Variants in NRXN1 observed in about 807,000 individuals in gnomAD.
NRXN1 encodes the protein neurexin 1, also known as neurexin-1.
A neutral mutation model predicts 150.9 loss-of-function variants in NRXN1; 39 were observed. The ratio of observed to expected loss-of-function variants is 0.26; its 90% confidence interval spans 0.20 to 0.34. NRXN1 has a LOEUF of 0.34. NRXN1 is among the 10% of genes least tolerant of loss of function. The pLI is 1.00. For missense variants in NRXN1, 1,815 were observed against 1,949.9 expected (o/e 0.93, Z 1.30); for synonymous variants, 924 against 757.0 (o/e 1.22, Z -3.62).
At chr2:50,849,720 A>C (rs532503599) in intron 5 of NRXN1, among the ~76,000 whole-genome samples, 30 of 152,262 alleles carry the variant, frequency 2.0e-4, no homozygotes, top group African/African-American at 7.0e-4. Flanking sequence ...TAAATTCAGT[A>C]GCTATTTCCT....
intron 2 of NRXN1, among the ~76,000 whole-genome samples, chr2:50,949,634 T>C (rs760820451): frequency 1.3e-5 from 2 of 151,986 alleles, no homozygotes; most frequent in Non-Finnish European, 2.9e-5. Flanking sequence ...TAATACATGG[T>C]GTGGTTTCAT....
In NRXN1 at chr2:50,623,631, T is replaced by C. The variant is rs762719278; in HGVS notation, c.833-16A>G. On this transcript the variant is annotated splice_polypyrimidine_tract_variant and intron_variant, in intron 5 of 22. Coordinates refer to ENST00000401669, the MANE Select transcript of NRXN1 (RefSeq NM_001330078.2). ...TCTTCTTTTCCTAGAGGAAAACAGA[T>C]GATACATACATAAGTAAACAAATAC... 1 of 1,582,154 alleles carries C rather than the reference T, an allele frequency of 6.3e-7. No individual in the cohort carries two copies. Among genetic ancestry groups the C allele is most frequent in the Non-Finnish European group, 8.7e-7 (1 of 1,154,580 alleles).
chr2:50,051,981 G>T (rs1402149120), intron 21 of NRXN1, among the ~76,000 whole-genome samples: 1 of 151,998 alleles, frequency 6.6e-6, no homozygotes, highest in Non-Finnish European at 1.5e-5. Flanking sequence ...CATTTAATTT[G>T]CATTTTTTGT....
chr2:50,049,075 T>C (rs895313288), intron 21 of NRXN1, among the ~76,000 whole-genome samples: 6 of 152,158 alleles, frequency 3.9e-5, no homozygotes, highest in African/African-American at 1.2e-4. Flanking sequence ...TAATATGTAT[T>C]ATTCTTATGA....
At chr2:50,969,074 G>A (rs1694585966) in intron 2 of NRXN1, among the ~76,000 whole-genome samples, 1 of 151,994 alleles carries the variant, frequency 6.6e-6, no homozygotes, top group African/African-American at 2.4e-5. Flanking sequence ...TTAGCAAATT[G>A]GCCAGTGAAG....
At chr2:50,557,064 A>T (rs1422375937) in intron 8 of NRXN1, among the ~76,000 whole-genome samples, 1 of 152,178 alleles carries the variant, frequency 6.6e-6, no homozygotes, top group Non-Finnish European at 1.5e-5. Flanking sequence ...ATCCATTAGT[A>T]AAGAGAGTGT....
chr2:51,014,015 C>T (rs987111866), intron 2 of NRXN1, among the ~76,000 whole-genome samples: 1 of 151,954 alleles, frequency 6.6e-6, no homozygotes, highest in Non-Finnish European at 1.5e-5. Flanking sequence ...ATTTTTTAAG[C>T]CACTAGATAA....
chr2:50,588,295 A>G (rs898867028), intron 8 of NRXN1, among the ~76,000 whole-genome samples: 7 of 152,218 alleles, frequency 4.6e-5, no homozygotes, highest in Non-Finnish European at 1.0e-4. Context: ...GAAAAATAGA[A>G]TCTGAGCCTT....
At chr2:50,843,815 T>C (rs1482410446) in intron 5 of NRXN1, among the ~76,000 whole-genome samples, 1 of 152,194 alleles carries the variant, frequency 6.6e-6, no homozygotes. Flanking sequence ...CAACAGTTTA[T>C]GCCCTAAAAC....
At chr2:50,646,923 C>T (rs1440504578) in intron 5 of NRXN1, among the ~76,000 whole-genome samples, 2 of 151,748 alleles carry the variant, frequency 1.3e-5, no homozygotes, top group Non-Finnish European at 2.9e-5. Flanking sequence ...GAAGGACAGA[C>T]TATGCCTGTG....
intron 5 of NRXN1, among the ~76,000 whole-genome samples, chr2:50,797,521 C>G (rs911398894): frequency 7.2e-5 from 11 of 151,984 alleles, no homozygotes; most frequent in African/African-American, 2.7e-4. Context: ...GTAAATCATG[C>G]CAATACTGAA....
chr2:50,497,903 G>A (rs1362082764), intron 13 of NRXN1, among the ~76,000 whole-genome samples, 189 bp from the exon 14 acceptor site: 2 of 151,970 alleles, frequency 1.3e-5, no homozygotes, highest in Admixed American at 6.6e-5. Flanking sequence ...ACATTCTTAG[G>A]CCAGGTTATA....
intron 17 of NRXN1, among the ~76,000 whole-genome samples, chr2:50,308,565 G>A (rs946731797): frequency 2.0e-5 from 3 of 151,982 alleles, no homozygotes; most frequent in Non-Finnish European, 1.5e-5. Context: ...TGTTGCCCAG[G>A]CAGCTGTCTA....
intron 5 of NRXN1, among the ~76,000 whole-genome samples, chr2:50,844,963 C>CCCA (rs1167449345): frequency 4.6e-5 from 7 of 152,034 alleles, no homozygotes; most frequent in Non-Finnish European, 8.8e-5. Context: ...AAGCTATCCT[C>CCCA]CCACCTCAGC....
At chr2:51,015,851 G>C (rs1668591880) in intron 2 of NRXN1, among the ~76,000 whole-genome samples, 1 of 151,534 alleles carries the variant, frequency 6.6e-6, no homozygotes, top group Admixed American at 6.6e-5. Context: ...AAACTTACAA[G>C]TTACCATTTG....
At chr2:50,890,164 C>G (rs1407336371) in intron 5 of NRXN1, among the ~76,000 whole-genome samples, 6 of 151,728 alleles carry the variant, frequency 4.0e-5, no homozygotes, top group African/African-American at 1.4e-4. Context: ...TCATGCATCA[C>G]CTACTTCCAA....
At chr2:49,930,863 A>G (rs964575086) in intron 22 of NRXN1, among the ~76,000 whole-genome samples, 1 of 152,380 alleles carries the variant, frequency 6.6e-6, no homozygotes, top group South Asian at 2.1e-4. Context: ...GAAAGTGTGA[A>G]AGCCAAGAAC....
intron 6 of NRXN1, among the ~76,000 whole-genome samples, chr2:50,621,619 C>T (rs994525347): frequency 2.0e-5 from 3 of 152,044 alleles, no homozygotes; most frequent in African/African-American, 4.8e-5. Context: ...AGGCCTAAAG[C>T]GTTTCAGCTG....
At chr2:50,968,347 C>T (rs548624681) in intron 2 of NRXN1, among the ~76,000 whole-genome samples, 88 of 152,190 alleles carry the variant, frequency 5.8e-4, no homozygotes, top group African/African-American at 2.0e-3. Context: ...CTCAGATCTC[C>T]TACACCCTGT....
Sources: allele counts gnomAD v4.1 joint callset (sites outside exome capture counted in the v4.1 genomes callset), GRCh38; gene constraint gnomAD v4.1.1; transcripts MANE v1.5; gene names NCBI Gene and HGNC (gene_info 2026-07-23, HGNC 2026-07-21).